Variants in PDE9A observed in about 807,000 individuals in gnomAD.
The protein encoded by PDE9A is high affinity cGMP-specific 3',5'-cyclic phosphodiesterase 9A.
PDE9A carries 60 observed loss-of-function variants against 87.4 expected under a neutral mutation model. The ratio of observed to expected loss-of-function variants is 0.69; its 90% confidence interval spans 0.56 to 0.85. The LOEUF is 0.85. Ranked by LOEUF, PDE9A falls within the 40% of genes least tolerant of loss-of-function variation. The pLI is 0.00. For missense variants in PDE9A, 665 were observed against 779.0 expected, an observed-to-expected ratio of 0.85 and a Z score of 1.74; for synonymous variants, 272 against 279.4, an observed-to-expected ratio of 0.97 and a Z score of 0.27.
intron 4 of PDE9A, among the ~76,000 whole-genome samples, chr21:42,713,040 A>T (rs1322545860): frequency 6.6e-6 from 1 of 152,212 alleles, no homozygotes; most frequent in Non-Finnish European, 1.5e-5. Flanking sequence ...TTGTATTTCC[A>T]GGAAATATTT....
chr21:42,731,538 G>A (rs2146713944), intron 4 of PDE9A, among the ~76,000 whole-genome samples: 1 of 152,172 alleles, frequency 6.6e-6, no homozygotes, highest in South Asian at 2.1e-4. Flanking sequence ...CTGGGACCTG[G>A]ACCTTGTAAA....
intron 8 of PDE9A, among the ~76,000 whole-genome samples, chr21:42,748,098 G>A (rs528460966): frequency 4.6e-5 from 7 of 152,306 alleles, no homozygotes; most frequent in African/African-American, 1.7e-4. Flanking sequence ...TGTCTTGCTC[G>A]GTGAAGATTT....
chr21:42,768,009 G>A (rs1463052176), intron 15 of PDE9A, among the ~76,000 whole-genome samples, 179 bp from the exon 16 acceptor site: 1 of 152,220 alleles, frequency 6.6e-6, no homozygotes, highest in Non-Finnish European at 1.5e-5. Context: ...ACAGGACCTT[G>A]AAGGTTCATT....
intron 4 of PDE9A, among the ~76,000 whole-genome samples, chr21:42,709,000 C>T (rs2049066176): frequency 6.6e-6 from 1 of 152,170 alleles, no homozygotes; most frequent in African/African-American, 2.4e-5. Flanking sequence ...GATATATCTA[C>T]ATGTATGTTC....
intron 19 of PDE9A, among the ~76,000 whole-genome samples, chr21:42,773,550 G>A (rs987924741): frequency 6.6e-6 from 1 of 152,214 alleles, no homozygotes; most frequent in Admixed American, 6.5e-5. Flanking sequence ...GCTCACGCCT[G>A]TAATCCAAGC....
At chr21:42,687,242 G>A (rs917105210) in intron 2 of PDE9A, among the ~76,000 whole-genome samples, 3 of 152,230 alleles carry the variant, frequency 2.0e-5, no homozygotes, top group African/African-American at 7.2e-5. Flanking sequence ...ACGTCTGAAA[G>A]TGCAGCAAAT....
chr21:42,772,628 T>A (rs2057124684), intron 19 of PDE9A, 108 bp downstream of exon 19: 1 of 775,098 alleles, frequency 1.3e-6, no homozygotes. Context: ...TACCTTTAAA[T>A]GAATGGAACT....
chr21:42,691,881 G>A (rs986949316), intron 3 of PDE9A, among the ~76,000 whole-genome samples: 1 of 148,554 alleles, frequency 6.7e-6, no homozygotes, highest in Non-Finnish European at 1.5e-5. Context: ...ACTATCCAAA[G>A]TGACCAGCCC....
At position 42,660,969 on chromosome 21, in the gene PDE9A, C is replaced by A. The variant is rs539051817; in HGVS notation, c.69+7086C>A. 6.6e-6 allele frequency among the ~76,000 whole-genome samples: 1 copy of A among 152,216 alleles called. No homozygotes were observed. Among genetic ancestry groups the A allele is most frequent in the South Asian group, 2.1e-4 (1 of 4,828 alleles). ...GAAACCCGCAGTACCCCTGAAAACT[C>A]GGTCTAGAAACAACTAAAAGAAGAA... On this transcript the variant is annotated intron_variant, in intron 1 of 19. Transcript: ENST00000291539. The surrounding 1 kb of genome is among the most constrained non-coding windows in gnomAD (Gnocchi z 4.7).
chr21:42,765,585 GA>G, intron 15 of PDE9A, 91 bp downstream of exon 15: 1 of 744,224 alleles, frequency 1.3e-6, no homozygotes, highest in Non-Finnish European at 2.5e-6. Flanking sequence ...CCAAGAAGCT[GA>G]AATTATTAGT....
chr21:42,769,990 A>C (rs2056883691), intron 17 of PDE9A, among the ~76,000 whole-genome samples: 1 of 151,670 alleles, frequency 6.6e-6, no homozygotes, highest in Admixed American at 6.6e-5. Flanking sequence ...GGCCTTCAGG[A>C]CCCTGGAGGC....
chr21:42,763,902 A>T (rs2056085252), intron 14 of PDE9A, among the ~76,000 whole-genome samples: 1 of 152,204 alleles, frequency 6.6e-6, no homozygotes, highest in Admixed American at 6.5e-5. Flanking sequence ...AAGTCAGTGA[A>T]GCATTTGGGG....
intron 14 of PDE9A, among the ~76,000 whole-genome samples, chr21:42,764,891 G>T (rs185537906): frequency 1.3e-5 from 2 of 152,222 alleles, no homozygotes; most frequent in Admixed American, 1.3e-4. Flanking sequence ...TTTGGGTTTT[G>T]TATCTGATGC....
chr21:42,679,501 A>C (rs2059042132), intron 1 of PDE9A, among the ~76,000 whole-genome samples: 1 of 152,110 alleles, frequency 6.6e-6, no homozygotes, highest in South Asian at 2.1e-4. Flanking sequence ...TTCTGGACCC[A>C]GTGTCTCTTC....
chr21:42,748,577 A>G (rs923516736), intron 8 of PDE9A, among the ~76,000 whole-genome samples: 4 of 152,216 alleles, frequency 2.6e-5, no homozygotes, highest in Non-Finnish European at 5.9e-5. Context: ...AAAACCTCCA[A>G]ACTACACTGA....
At chr21:42,668,898 A>ACCCCCCCCCCCCC (rs375148519) in intron 1 of PDE9A, among the ~76,000 whole-genome samples, 10 of 104,848 alleles carry the variant, frequency 9.5e-5, no homozygotes, top group African/African-American at 3.7e-4. Context: ...TGCTCCCTCC[A>ACCCCCCCCCCCCC]CCCCCCGCCA....
rs2050697576 is a variant in PDE9A, at chr21:42,723,100, A to G, written c.263-8670A>G. Among the ~76,000 whole-genome samples, 1 of 152,244 alleles carries G rather than the reference A, an allele frequency of 6.6e-6. No homozygotes were observed. Among genetic ancestry groups the G allele is most frequent in the African/African-American group, 2.4e-5 (1 of 41,476 alleles). On this transcript the variant is annotated intron_variant, in intron 4 of 19. Transcript: ENST00000291539. This position sits in a 1 kb window ranked among gnomAD's most constrained non-coding sequence, Gnocchi z 4.3. ...CCACCCACACAGCTGCGTCCTGCCCAGGAATGAGGCTGGCAGCCCATAGGC... is the reference window on the plus strand; with the variant it reads ...CCACCCACACAGCTGCGTCCTGCCCGGGAATGAGGCTGGCAGCCCATAGGC...
chr21:42,764,285 T>A (rs569272456), intron 14 of PDE9A, among the ~76,000 whole-genome samples: 1 of 152,336 alleles, frequency 6.6e-6, no homozygotes, highest in African/African-American at 2.4e-5. Flanking sequence ...CCCAGTACAG[T>A]TATCTCCCCT....
chr21:42,653,906 A>ACCCCCTCCT (rs2056833823), intron 1 of PDE9A, 23 bp downstream of exon 1: 1 of 1,359,154 alleles, frequency 7.4e-7, no homozygotes, highest in Non-Finnish European at 1.0e-6. Context: ...CCACCCAGAC[A>ACCCCCTCCT]CCCCCTCCTC....
Sources: allele counts gnomAD v4.1 joint callset (sites outside exome capture counted in the v4.1 genomes callset), GRCh38; gene constraint gnomAD v4.1.1; non-coding constraint Gnocchi (gnomAD v3.1); transcripts MANE v1.5; gene names NCBI Gene and HGNC (gene_info 2026-07-23, HGNC 2026-07-21).